Variants in TTC29 observed in about 807,000 individuals in gnomAD.
TTC29 encodes tetratricopeptide repeat domain 29.
Under a neutral mutation model 58.1 loss-of-function variants are expected in TTC29, and 49 were observed. The ratio of observed to expected loss-of-function variants is 0.84; its 90% CI spans 0.67 to 1.07. The LOEUF (loss-of-function observed/expected upper bound fraction) is 1.07, where lower values mean the gene tolerates loss of function less well. Among genes scored for constraint, TTC29 ranks in the 50% least tolerant of loss-of-function variants. The pLI is 0.00. For synonymous variants in TTC29, 209 were observed against 196.8 expected (o/e 1.06, Z -0.52); for missense variants, 582 against 555.6 (o/e 1.05, Z -0.48).
chr4:146,710,475 G>A (rs567858531), intron 11 of TTC29, among the ~76,000 whole-genome samples: 58 of 152,202 alleles, frequency 3.8e-4, no homozygotes, highest in African/African-American at 1.2e-3. Flanking sequence ...GTCCTTACGC[G>A]GTGCATGACT....
At chr4:146,919,339 T>A (rs1177402520) in intron 4 of TTC29, among the ~76,000 whole-genome samples, 1 of 151,082 alleles carries the variant, frequency 6.6e-6, no homozygotes, top group Non-Finnish European at 1.5e-5. Flanking sequence ...CTGGAAATAA[T>A]CTTAGCTTTT....
intron 9 of TTC29, among the ~76,000 whole-genome samples, chr4:146,830,743 G>A (rs1728101936): frequency 6.6e-6 from 1 of 152,110 alleles, no homozygotes; most frequent in Admixed American, 6.6e-5. Context: ...CTATGAAAGG[G>A]CTGGTACATG....
chr4:146,850,670 T>C (rs1729459490), intron 8 of TTC29, among the ~76,000 whole-genome samples: 1 of 152,234 alleles, frequency 6.6e-6, no homozygotes, highest in African/African-American at 2.4e-5. Context: ...TCCTAATGAT[T>C]ATCTGGCTAA....
intron 11 of TTC29, among the ~76,000 whole-genome samples, chr4:146,796,932 G>C (rs1749871532): frequency 6.6e-6 from 1 of 151,992 alleles, no homozygotes; most frequent in Non-Finnish European, 1.5e-5. Flanking sequence ...TGATGATCTG[G>C]GGCCCCAAAA....
At chr4:146,862,691 G>A (rs1730312251) in intron 8 of TTC29, among the ~76,000 whole-genome samples, 1 of 152,182 alleles carries the variant, frequency 6.6e-6, no homozygotes, top group South Asian at 2.1e-4. Context: ...CTGTCAAAAT[G>A]TAGGCTCTGA....
At chr4:146,826,017 T>C (rs1393741315) in intron 9 of TTC29, among the ~76,000 whole-genome samples, 3 of 152,060 alleles carry the variant, frequency 2.0e-5, no homozygotes, top group South Asian at 2.1e-4. Context: ...GCAGGTAAGA[T>C]GGGTCTCTTG....
chr4:146,719,073 A>AT (rs1181778210), intron 11 of TTC29, among the ~76,000 whole-genome samples: 7 of 151,652 alleles, frequency 4.6e-5, no homozygotes, highest in Non-Finnish European at 4.4e-5. Flanking sequence ...CAATAACTCT[A>AT]TTTTTTGCCA....
chr4:146,751,502 T>C (rs1745988268), intron 11 of TTC29, among the ~76,000 whole-genome samples: 4 of 152,178 alleles, frequency 2.6e-5, no homozygotes, highest in Non-Finnish European at 1.5e-5. Flanking sequence ...AAAGTCACAT[T>C]AGACCACAGT....
At chr4:146,792,842 A>G (rs1008128830) in intron 11 of TTC29, among the ~76,000 whole-genome samples, 1 of 152,144 alleles carries the variant, frequency 6.6e-6, no homozygotes, top group Non-Finnish European at 1.5e-5. Flanking sequence ...AGGTGGTCAA[A>G]ATATATCAAT....
At chr4:146,832,176 CT>C (rs5862774) in intron 9 of TTC29, among the ~76,000 whole-genome samples, 57,309 of 151,954 alleles carry the variant, frequency 0.38, 11,694 homozygotes, top group African/African-American at 0.51. Context: ...AGAATCCAAT[CT>C]TTTTTTGCTG....
chr4:146,834,219 A>T (rs1728360090), intron 8 of TTC29, among the ~76,000 whole-genome samples: 1 of 152,200 alleles, frequency 6.6e-6, no homozygotes, highest in South Asian at 2.1e-4. Flanking sequence ...AAAATACGGG[A>T]TTATTATCTA....
chr4:146,803,420 T>C, intron 11 of TTC29, 37 bp downstream of exon 11: 7 of 1,336,918 alleles, frequency 5.2e-6, no homozygotes, highest in African/African-American at 1.5e-5. Flanking sequence ...TTGAGAATGA[T>C]ATGAAAACTA....
chr4:146,870,065 G>A (rs1730832752), intron 7 of TTC29, among the ~76,000 whole-genome samples: 2 of 152,092 alleles, frequency 1.3e-5, no homozygotes, highest in South Asian at 4.1e-4. Flanking sequence ...AGGGAAAATA[G>A]AGCAAGGTAA....
At position 146,874,872 on chromosome 4, in the gene TTC29, G is replaced by T; in HGVS notation, c.643C>A (p.Arg215=). The change falls in exon 7 of 13, where the codon CGG becomes AGG. Residue 215 remains arginine (R), a synonymous_variant. Transcript: ENST00000325106. Reference sequence around the variant, plus strand: ...CGGCCTGTCTCATCCTTCCATATCCGCCCCTGTGTCAATTGATGGAATGCT... The same window carrying T: ...CGGCCTGTCTCATCCTTCCATATCCTCCCCTGTGTCAATTGATGGAATGCT... ...YEAFHQLTQG[R]IWKDETGRSL... 6.2e-7 allele frequency: 1 copy of T among 1,613,436 alleles called. No homozygotes were observed.
At chr4:146,933,891 T>C (rs199777058) in intron 4 of TTC29, 1 of 152,130 alleles carries the variant, frequency 6.6e-6, no homozygotes, top group Non-Finnish European at 1.5e-5. Context: ...TGTTAGCTTA[T>C]CCTGCTTGCT....
intron 11 of TTC29, among the ~76,000 whole-genome samples, chr4:146,718,371 C>A (rs1053778739): frequency 2.0e-5 from 3 of 152,136 alleles, no homozygotes; most frequent in Non-Finnish European, 4.4e-5. Context: ...CACCTCCTTG[C>A]CAACATTCAC....
At chr4:146,823,876 G>A (rs954660235) in intron 9 of TTC29, among the ~76,000 whole-genome samples, 1 of 152,160 alleles carries the variant, frequency 6.6e-6, no homozygotes, top group Admixed American at 6.5e-5. Context: ...GTAAATGGGA[G>A]TTCATTCATG....
intron 6 of TTC29, among the ~76,000 whole-genome samples, chr4:146,890,512 T>C (rs183729972): frequency 9.0e-4 from 137 of 152,146 alleles, no homozygotes; most frequent in Middle Eastern, 3.4e-3. Context: ...ACAGACACGG[T>C]TACAAGTGAG....
intron 6 of TTC29, among the ~76,000 whole-genome samples, chr4:146,902,732 A>C (rs1046335213): frequency 6.6e-5 from 10 of 152,150 alleles, no homozygotes; most frequent in Non-Finnish European, 1.5e-5. Flanking sequence ...GGCTTCTGAC[A>C]ATGTTCAGGC....
Sources: allele counts gnomAD v4.1 joint callset (sites outside exome capture counted in the v4.1 genomes callset), GRCh38; gene constraint gnomAD v4.1.1; transcripts MANE v1.5; gene names NCBI Gene and HGNC (gene_info 2026-07-23, HGNC 2026-07-21).